Variants in COL20A1 observed in about 807,000 individuals in gnomAD.
COL20A1 encodes the protein collagen alpha-1(XX) chain.
In COL20A1, 164 loss-of-function variants were observed where a neutral mutation model predicts 152.9. That is an observed-to-expected ratio of 1.07 (90% CI 0.94 to 1.22). The LOEUF is 1.22. Ranked by LOEUF, COL20A1 falls within the 50% of genes most tolerant of loss-of-function variation. The pLI, the probability that COL20A1 is intolerant of heterozygous loss-of-function variation, is 0.00. For synonymous variants in COL20A1, 864 were observed against 756.0 expected (o/e 1.14, Z -2.34); for missense variants, 1,873 against 1,744.8 (o/e 1.07, Z -1.31).
At chr20:63,314,009 T>C in intron 18 of COL20A1, 63 bp from the exon 19 acceptor site, 1 of 1,608,668 alleles carries the variant, frequency 6.2e-7, no homozygotes, top group African/African-American at 1.3e-5. Flanking sequence ...GGGAGGCAGC[T>C]GAGCCGCGTG....
intron 7 of COL20A1, 36 bp downstream of exon 7, chr20:63,308,126 G>A (rs761370542): frequency 1.3e-6 from 2 of 1,583,348 alleles, no homozygotes; most frequent in East Asian, 4.5e-5. Flanking sequence ...CTGTCCTGAG[G>A]GCGGACCTCC....
At position 63,322,103 on chromosome 20, in the gene COL20A1, G is replaced by A. The variant is rs371842330; in HGVS notation, c.3286G>A (p.Gly1096Arg). 1 of 1,499,154 alleles carries A rather than the reference G, an allele frequency of 6.7e-7. No individual in the cohort carries two copies. Among genetic ancestry groups the A allele is most frequent in the African/African-American group, 1.5e-5 (1 of 68,716 alleles). The allele number at this position is 1,499,154 out of a possible 1,614,324, so 92.9% of individuals were successfully genotyped here. The change falls in exon 27 of 36, where the codon GGG (glycine) becomes AGG (arginine). Residue 1096 changes from glycine (G) to arginine (R), a missense_variant. By Grantham distance (125) the Gly-to-Arg change is moderately radical. Transcript: ENST00000358894. ...CACCCCAGGAGAGCAGGGCTTCCCA[G>A]GGCCCAGGGTAAGTTTTGGGGAGCC... is the stretch of plus-strand genomic sequence containing the variant. ...NGTPGEQGFP[G>R]PRGPPGVKGE...
rs550277913 is a variant in COL20A1, at chr20:63,313,944, G to A, written c.2358+53G>A. 1.3e-6 allele frequency: 2 copies of A among 1,585,800 alleles called. No individual in the cohort carries two copies. Among genetic ancestry groups the A allele is most frequent in the African/African-American group, 1.3e-5 (1 of 74,534 alleles). On this transcript the variant is annotated intron_variant, in intron 18 of 35. Transcript: ENST00000358894. The surrounding 1 kb of genome is among the most constrained non-coding windows in gnomAD (Gnocchi z 5.9). ...CCCACCTCGTGGGGCCTCCTGGAAG[G>A]GGTATGGCCACACTGTCTGCGAAGG... is the stretch of plus-strand genomic sequence containing the variant.
At chr20:63,308,186 A>G in intron 7 of COL20A1, 96 bp downstream of exon 7, 1 of 1,459,920 alleles carries the variant, frequency 6.8e-7, no homozygotes, top group Non-Finnish European at 9.3e-7. Flanking sequence ...TCGAGCTCCA[A>G]GTGGTGTGGA....
chr20:63,296,027 G>A (rs1212531183), intron 2 of COL20A1, among the ~76,000 whole-genome samples: 2 of 152,292 alleles, frequency 1.3e-5, no homozygotes, highest in African/African-American at 4.8e-5. Flanking sequence ...ACAGGCCGGG[G>A]CGAGGGAGCC....
At chr20:63,294,874 G>A (rs1202894524) in intron 1 of COL20A1, among the ~76,000 whole-genome samples, 1 of 152,230 alleles carries the variant, frequency 6.6e-6, no homozygotes, top group Non-Finnish European at 1.5e-5. Context: ...GTGGGAGTGG[G>A]AGGCAGCCCC....
intron 2 of COL20A1, among the ~76,000 whole-genome samples, chr20:63,297,472 C>T (rs2067812638): frequency 6.6e-6 from 1 of 152,132 alleles, no homozygotes; most frequent in Admixed American, 6.5e-5. Context: ...GGGGCCCCAG[C>T]TCAGGGGACT....
chr20:63,319,203 G>A lies in COL20A1; in HGVS notation c.2806+3G>A. The A allele has an allele frequency of 6.2e-7, 1 of 1,611,842 alleles. No individual in the cohort carries two copies. Among genetic ancestry groups the A allele is most frequent in the Non-Finnish European group, 8.5e-7 (1 of 1,179,380 alleles). ...CCTCCTTGGGGTTCTGCTGGATGGT[G>A]ACGTGGGCCCCGCGTCGCCCCCAGC... On this transcript the variant is annotated splice_donor_region_variant and intron_variant, in intron 22 of 35. Coordinates refer to ENST00000358894, the MANE Select transcript of COL20A1 (RefSeq NM_020882.4). The surrounding 1 kb of genome is among the most constrained non-coding windows in gnomAD (Gnocchi z 4.4).
chr20:63,309,287 G>A lies in COL20A1; in HGVS notation c.941-46G>A, dbSNP rs568143533. On this transcript the variant is annotated intron_variant, in intron 8 of 35. Transcript: ENST00000358894. ...GACCCCCACCGCAGGTGGCCCCGTC[G>A]GGTGACCCCAGTGCAGGCCAACCCC... 1.5e-5 allele frequency: 20 copies of A among 1,365,816 alleles called. No homozygotes were observed. The South Asian group carries it at 2.0e-4, about 13-fold the overall frequency. 84.6% of individuals were successfully genotyped at this position (1,365,816 alleles called of 1,614,324 possible). A position where few individuals can be genotyped will look rare whatever the true frequency, so the allele number is the denominator to read the frequency against.
At chr20:63,324,491 C>T (rs2068214410) in intron 27 of COL20A1, 1 of 152,216 alleles carries the variant, frequency 6.6e-6, no homozygotes, top group Non-Finnish European at 1.5e-5. Context: ...AGTCCATCCA[C>T]TCTTCTTTTA....
rs916614731 is a variant in COL20A1 at position 63,313,778 on chromosome 20, C to T, written c.2245C>T (p.Leu749=). The change falls in exon 18 of 36, where the codon CTG becomes TTG. Residue 749 remains leucine (L), a synonymous_variant. Coordinates refer to ENST00000358894, the MANE Select transcript of COL20A1 (RefSeq NM_020882.4). The surrounding 1 kb of genome is among the most constrained non-coding windows in gnomAD (Gnocchi z 5.9). The part of the protein sequence containing the change: ...VSRSPPSNLA[L]ASETPDSLQV... ...CAGGAGCCCACCCTCCAACCTGGCC[C>T]TGGCCTCGGAGACCCCCGACAGCCT... 7 of 1,608,520 alleles carry T rather than the reference C, an allele frequency of 4.4e-6. No individual in the cohort carries two copies. The highest frequency in any genetic ancestry group is 5.1e-6 in the Non-Finnish European group (6 of 1,178,028).
rs2068055247 is a variant in COL20A1 at position 63,314,196 on chromosome 20, A to C, written c.2483A>C (p.Gln828Pro). 1 of 1,559,034 alleles carries C rather than the reference A, an allele frequency of 6.4e-7. No homozygotes were observed. Among genetic ancestry groups the C allele is most frequent in the African/African-American group, 1.4e-5 (1 of 73,482 alleles). ...AGTGAGGCTGTGTCTGCCACGGGCC[A>C]GACAGGTGAGTGGGCACCAAGACCC... ...GRSEAVSATGQTACPALRPDG... is the reference protein window; with the variant it reads ...GRSEAVSATGPTACPALRPDG... The change falls in exon 19 of 36, where the codon CAG (glutamine) becomes CCG (proline). Residue 828 changes from glutamine to proline, a missense_variant. Physicochemically the swap from Gln to Pro is moderately conservative, Grantham distance 76 (BLOSUM62 -1). Coordinates refer to ENST00000358894, the MANE Select transcript of COL20A1 (RefSeq NM_020882.4).
At chr20:63,325,611 G>T in intron 28 of COL20A1, 57 bp from the exon 29 acceptor site, 1 of 1,577,066 alleles carries the variant, frequency 6.3e-7, no homozygotes, top group Non-Finnish European at 8.7e-7. Context: ...CACAGGCAGG[G>T]CCACCTCTGG....
rs930105246 is a variant in COL20A1, at chr20:63,328,436, C to T, written c.3719C>T (p.Thr1240Ile). 3.1e-6 allele frequency: 5 copies of T among 1,612,588 alleles called. No homozygotes were observed. The highest frequency in any genetic ancestry group is 4.2e-6 in the Non-Finnish European group (5 of 1,179,718). ...ACTGAGCCCCTGGGGTCCCCTGGCA[C>T]CCGCAGCAAGGCCCTGGTTCCTGGA... ...PGTEPLGSPG[T>I]RSKALVPGEW... The change falls in exon 34 of 36, where the codon ACC becomes ATC. Residue 1240 changes from threonine to isoleucine, a missense_variant. Thr to Ile is a moderately conservative substitution (Grantham distance 89, BLOSUM62 -1). Coordinates refer to ENST00000358894, the MANE Select transcript of COL20A1 (RefSeq NM_020882.4).
intron 20 of COL20A1, among the ~76,000 whole-genome samples, chr20:63,315,706 C>T (rs1432295436): frequency 6.6e-6 from 1 of 152,194 alleles, no homozygotes; most frequent in Non-Finnish European, 1.5e-5. Flanking sequence ...TCCTTTCCAG[C>T]CCCATTCCAG....
intron 19 of COL20A1, 118 bp downstream of exon 19, chr20:63,314,319 T>A (rs1375976180): frequency 1.1e-6 from 1 of 886,358 alleles, no homozygotes; most frequent in African/African-American, 1.7e-5. Context: ...CCAGACCTAG[T>A]TGACCCCAGG....
intron 3 of COL20A1, among the ~76,000 whole-genome samples, chr20:63,303,712 G>A (rs979786113): frequency 1.3e-5 from 2 of 152,210 alleles, no homozygotes; most frequent in African/African-American, 4.8e-5. Context: ...CTGGCGCGGG[G>A]CTGGGTAGGG....
At chr20:63,300,167 T>C (rs2067848105) in intron 3 of COL20A1, among the ~76,000 whole-genome samples, 1 of 152,232 alleles carries the variant, frequency 6.6e-6, no homozygotes, top group African/African-American at 2.4e-5. Flanking sequence ...TATTGGCCAA[T>C]AACTACCCTT....
chr20:63,328,359 C>T lies in COL20A1; in HGVS notation c.3642C>T (p.His1214=), dbSNP rs1467474284. The change falls in exon 34 of 36, where the codon CAC becomes CAT. Residue 1214 remains histidine, a synonymous_variant. Transcript: ENST00000358894. ...ASHVSKFDSF[H]ENTRPPMPIL... ...ACGTGTCAAAGTTCGACTCCTTCCA[C>T]GAGAACACCAGGCCCCCCATGCCCA... The T allele has an allele frequency of 6.2e-6, 10 of 1,612,516 alleles. No homozygotes were observed. The highest frequency in any genetic ancestry group is 3.3e-5 in the Admixed American group (2 of 59,908).
Sources: allele counts gnomAD v4.1 joint callset (sites outside exome capture counted in the v4.1 genomes callset), GRCh38; gene constraint gnomAD v4.1.1; non-coding constraint Gnocchi (gnomAD v3.1); transcripts MANE v1.5; gene names NCBI Gene and HGNC (gene_info 2026-07-23, HGNC 2026-07-21).